SLC49A4: variants seen among roughly 807,000 people sequenced by gnomAD.
SLC49A4 encodes the protein solute carrier family 49 member 4.
In SLC49A4, 36 loss-of-function variants were observed where a neutral mutation model predicts 50.6. The ratio of observed to expected loss-of-function variants is 0.71; its 90% confidence interval spans 0.55 to 0.94. The LOEUF is 0.94. Ranked by LOEUF, SLC49A4 falls within the 40% of genes least tolerant of loss-of-function variation. The pLI is 0.00. For missense variants in SLC49A4, 503 were observed against 605.7 expected (o/e 0.83, Z 1.78); for synonymous variants, 248 against 241.2 (o/e 1.03, Z -0.26).
chr3:122,868,021 A>G (rs888915604), intron 7 of SLC49A4, among the ~76,000 whole-genome samples: 4 of 152,178 alleles, frequency 2.6e-5, no homozygotes, highest in African/African-American at 9.7e-5. Flanking sequence ...AGGCTGAGGC[A>G]GGAGAATGGC....
intron 4 of SLC49A4, among the ~76,000 whole-genome samples, chr3:122,844,064 A>G (rs549579176): frequency 1.3e-5 from 2 of 152,326 alleles, no homozygotes; most frequent in South Asian, 2.1e-4. Context: ...CATAGACCTG[A>G]AAATTTCTTT....
At chr3:122,875,561 A>G (rs1367186152) in intron 8 of SLC49A4, among the ~76,000 whole-genome samples, 3 of 152,140 alleles carry the variant, frequency 2.0e-5, no homozygotes, top group Non-Finnish European at 4.4e-5. Flanking sequence ...CATGTTGCCC[A>G]TGCTGGTGTT....
intron 3 of SLC49A4, among the ~76,000 whole-genome samples, chr3:122,832,160 A>G (rs891825010): frequency 6.6e-6 from 1 of 152,184 alleles, no homozygotes; most frequent in African/African-American, 2.4e-5. Context: ...AGAAATCACT[A>G]AATTCAATCT....
In SLC49A4 at chr3:122,826,767, A is replaced by G. The variant is rs760579902; in HGVS notation, c.438-33A>G. On this transcript the variant is annotated intron_variant, in intron 2 of 8. Transcript: ENST00000261038. Reference sequence around the variant, plus strand: ...TTGTCTTAGAAAATGCCTGTTTCAAATACCTCACAGCCTTTTAATTTTTAA... The same window carrying G: ...TTGTCTTAGAAAATGCCTGTTTCAAGTACCTCACAGCCTTTTAATTTTTAA... 11 of 1,600,282 alleles carry G rather than the reference A, an allele frequency of 6.9e-6. No homozygotes were observed. The African/African-American group carries it at 1.3e-4, about 20-fold the overall frequency.
chr3:122,833,190 A>G (rs1340147756), intron 3 of SLC49A4, 127 bp from the exon 4 acceptor site: 1 of 881,992 alleles, frequency 1.1e-6, no homozygotes, highest in South Asian at 1.6e-5. Context: ...GTAGTGAGCC[A>G]TGTTCATGCC....
At chr3:122,849,467 T>C (rs145400449) in intron 5 of SLC49A4, among the ~76,000 whole-genome samples, 84 of 152,322 alleles carry the variant, frequency 5.5e-4, no homozygotes, top group African/African-American at 1.9e-3. Flanking sequence ...CTCCCCCTTC[T>C]CTGTATCCTT....
chr3:122,851,977 A>G (rs1050265310), intron 5 of SLC49A4, among the ~76,000 whole-genome samples: 1 of 151,368 alleles, frequency 6.6e-6, no homozygotes, highest in African/African-American at 2.4e-5. Context: ...ACATTTTATA[A>G]AATTTATCTT....
At position 122,806,897 on chromosome 3, in the gene SLC49A4, T is replaced by G; in HGVS notation, c.384T>G (p.Val128=). ...TGCTCCTGACATCCTTCCTTATGGT[T>G]TTGGGAACTGGTCTAAGATGCATAC... ...ITVLLTSFLM[V]LGTGLRCIPI... is the part of the protein sequence containing the mutation. Residue 128 remains valine (V), a synonymous_variant, in exon 2 of 9, where the codon GTT becomes GTG. Transcript: ENST00000261038. The G allele has an allele frequency of 1.9e-6, 3 of 1,611,232 alleles. No individual in the cohort carries two copies. The highest frequency in any genetic ancestry group is 2.5e-6 in the Non-Finnish European group (3 of 1,177,698).
chr3:122,802,984 G>T (rs966525591), intron 1 of SLC49A4, among the ~76,000 whole-genome samples: 1 of 152,284 alleles, frequency 6.6e-6, no homozygotes, highest in Admixed American at 6.5e-5. Context: ...AGAGAGAGAA[G>T]TAAGCAGGGA....
intron 5 of SLC49A4, among the ~76,000 whole-genome samples, chr3:122,854,587 G>A (rs1274731750): frequency 6.6e-6 from 1 of 152,198 alleles, no homozygotes; most frequent in African/African-American, 2.4e-5. Context: ...TGGCAGGAAG[G>A]GAGAGAAAGC....
chr3:122,826,711 A>T, intron 2 of SLC49A4, 89 bp from the exon 3 acceptor site: 1 of 1,302,212 alleles, frequency 7.7e-7, no homozygotes, highest in Non-Finnish European at 1.1e-6. Flanking sequence ...TTATTGCCAT[A>T]GTTAAAAACT....
At chr3:122,867,369 G>A (rs1339956645) in intron 7 of SLC49A4, among the ~76,000 whole-genome samples, 1 of 152,064 alleles carries the variant, frequency 6.6e-6, no homozygotes, top group Admixed American at 6.6e-5. Context: ...GCTAGAGTCT[G>A]TAAGCCTTAA....
intron 1 of SLC49A4, among the ~76,000 whole-genome samples, chr3:122,799,233 C>T (rs1936096190): frequency 6.6e-6 from 1 of 152,110 alleles, no homozygotes; most frequent in South Asian, 2.1e-4. Flanking sequence ...TTGATACTTG[C>T]TTTGGAGAAA....
chr3:122,833,759 A>G (rs554415509), intron 4 of SLC49A4, among the ~76,000 whole-genome samples: 1 of 152,218 alleles, frequency 6.6e-6, no homozygotes, highest in Non-Finnish European at 1.5e-5. Flanking sequence ...ATATCATACA[A>G]TAGTGTCTGT....
At chr3:122,825,253 G>A (rs1450986755) in intron 2 of SLC49A4, among the ~76,000 whole-genome samples, 1 of 152,148 alleles carries the variant, frequency 6.6e-6, no homozygotes, top group Non-Finnish European at 1.5e-5. Context: ...CACATGCAAT[G>A]ATTAAAACCA....
At chr3:122,806,997 G>C in intron 2 of SLC49A4, 47 bp downstream of exon 2, 1 of 1,197,318 alleles carries the variant, frequency 8.4e-7, no homozygotes, top group Non-Finnish European at 1.2e-6. Flanking sequence ...ATTTTATTAT[G>C]TGTATAAATT....
At chr3:122,850,596 T>C (rs1936913740) in intron 5 of SLC49A4, among the ~76,000 whole-genome samples, 1 of 151,722 alleles carries the variant, frequency 6.6e-6, no homozygotes, top group Admixed American at 6.6e-5. Context: ...GAGCCTCAAC[T>C]TCTTGGGTTT....
chr3:122,870,812 TCAA>T (rs1212301516), intron 7 of SLC49A4, among the ~76,000 whole-genome samples: 1 of 135,664 alleles, frequency 7.4e-6, no homozygotes, highest in Non-Finnish European at 1.6e-5. Flanking sequence ...AGACTCCATC[TCAA>T]CAATAATAAT....
chr3:122,797,903 C>T (rs1055527060), intron 1 of SLC49A4, among the ~76,000 whole-genome samples: 9 of 152,118 alleles, frequency 5.9e-5, no homozygotes, highest in African/African-American at 2.2e-4. Flanking sequence ...ATCAGTTGAG[C>T]CCAGGAAGTA....
Sources: gnomAD v4.1 joint callset for allele counts (sites outside exome capture counted in the v4.1 genomes callset) on GRCh38, gnomAD v4.1.1 for gene constraint, MANE v1.5 for transcripts, NCBI Gene and HGNC (gene_info 2026-07-23, HGNC 2026-07-21) for gene names.